Variants in AOX1 observed in about 807,000 individuals in gnomAD.
AOX1 encodes the protein aldehyde oxidase.
Under a neutral mutation model 169.5 loss-of-function variants are expected in AOX1, and 153 were observed. The ratio of observed to expected loss-of-function variants is 0.90; its 90% CI spans 0.79 to 1.03. The LOEUF (loss-of-function observed/expected upper bound fraction) is 1.03, where lower values mean the gene tolerates loss of function less well. Ranked by LOEUF, AOX1 falls within the 50% of genes least tolerant of loss-of-function variation. AOX1 has a pLI of 0.00. For missense variants in AOX1, 1,656 were observed against 1,663.9 expected (o/e 1.00, Z 0.08); for synonymous variants, 562 against 581.9 (o/e 0.97, Z 0.49).
In AOX1 at chr2:200,613,870, C is replaced by T. The variant is rs757794724; in HGVS notation, c.1515C>T (p.Gly505=). ...TTCTGAATGAAGTCTCCCTTTTGGGCTCGGCGCCAGGTGGGAAAGTGGAGT... is the reference window on the plus strand; with the variant it reads ...TTCTGAATGAAGTCTCCCTTTTGGGTTCGGCGCCAGGTGGGAAAGTGGAGT... ...RLILNEVSLL[G]SAPGGKVEFK... is the part of the protein sequence containing the mutation. Residue 505 remains glycine (G), a synonymous_variant, in exon 15 of 35, where the codon GGC becomes GGT. Coordinates refer to ENST00000374700, the MANE Select transcript of AOX1 (RefSeq NM_001159.4). 1.2e-5 allele frequency: 20 copies of T among 1,612,630 alleles called. No homozygotes were observed. In the East Asian group the frequency reaches 3.8e-4, roughly 31 times the overall value.
At chr2:200,595,413 T>C (rs2034263269) in intron 3 of AOX1, 45 bp downstream of exon 3, 5 of 1,459,138 alleles carry the variant, frequency 3.4e-6, no homozygotes, top group Non-Finnish European at 3.8e-6. Flanking sequence ...TTTATAATTT[T>C]GAACTTTGTT....
intron 22 of AOX1, among the ~76,000 whole-genome samples, chr2:200,637,584 C>T (rs980254835): frequency 6.6e-6 from 1 of 151,898 alleles, no homozygotes; most frequent in African/African-American, 2.4e-5. Flanking sequence ...TATACATACA[C>T]ATATATACAT....
intron 25 of AOX1, among the ~76,000 whole-genome samples, chr2:200,648,247 G>A (rs1392369705): frequency 2.0e-5 from 3 of 152,156 alleles, no homozygotes; most frequent in African/African-American, 7.2e-5. Flanking sequence ...TGGGGCTGAA[G>A]GCTGTTGTTC....
intron 13 of AOX1, 34 bp from the exon 14 acceptor site, chr2:200,612,575 G>C: frequency 6.2e-7 from 1 of 1,605,530 alleles, no homozygotes; most frequent in South Asian, 1.1e-5. Context: ...GATGCTCAGT[G>C]TTTCTACATG....
chr2:200,657,716 G>A (rs1293270263), intron 27 of AOX1, among the ~76,000 whole-genome samples: 1 of 151,872 alleles, frequency 6.6e-6, no homozygotes, highest in Non-Finnish European at 1.5e-5. Context: ...GTTTGCTTTT[G>A]GCTGTCTTAT....
intron 25 of AOX1, among the ~76,000 whole-genome samples, chr2:200,648,684 A>T (rs2035517098): frequency 6.6e-6 from 1 of 151,926 alleles, no homozygotes; most frequent in Non-Finnish European, 1.5e-5. Context: ...CCACTACCAG[A>T]GTGAATAGGG....
intron 3 of AOX1, among the ~76,000 whole-genome samples, chr2:200,596,428 TC>T (rs1246224308): frequency 6.6e-6 from 1 of 152,160 alleles, no homozygotes; most frequent in Non-Finnish European, 1.5e-5. Context: ...CTCCTGTCTC[TC>T]CCCCAGCCTT....
intron 16 of AOX1, among the ~76,000 whole-genome samples, chr2:200,616,348 C>G (rs1357913019): frequency 6.6e-6 from 1 of 152,250 alleles, no homozygotes; most frequent in African/African-American, 2.4e-5. Flanking sequence ...AGATGGCCAC[C>G]TTGTCACGTG....
downstream of AOX1, among the ~76,000 whole-genome samples, chr2:200,675,734 T>A (rs1226759738): frequency 6.6e-6 from 1 of 152,136 alleles, no homozygotes; most frequent in East Asian, 1.9e-4. Flanking sequence ...AGTTAACATT[T>A]ACTGACAGCT....
downstream of AOX1, among the ~76,000 whole-genome samples, chr2:200,681,935 T>A (rs78511664): frequency 0.058 from 8,786 of 152,104 alleles, 370 homozygotes; most frequent in Admixed American, 0.11. Context: ...GGTTTTTTTT[T>A]TTATTATTTG....
chr2:200,587,876 T>C (rs187202243), intron 1 of AOX1, among the ~76,000 whole-genome samples: 27 of 152,330 alleles, frequency 1.8e-4, no homozygotes, highest in Admixed American at 3.9e-4. Context: ...AAGGGGATCA[T>C]ACCACTTACT....
chr2:200,645,465 G>A (rs1389962000), intron 25 of AOX1, among the ~76,000 whole-genome samples: 7 of 152,094 alleles, frequency 4.6e-5, no homozygotes, highest in Non-Finnish European at 8.8e-5. Context: ...GTTGGAGTTG[G>A]TTAGCTAGTA....
intron 25 of AOX1, among the ~76,000 whole-genome samples, chr2:200,644,531 G>A (rs1369008416): frequency 1.3e-5 from 2 of 152,008 alleles, no homozygotes; most frequent in African/African-American, 2.4e-5. Flanking sequence ...TTGGCTATGC[G>A]GGCTCTTTTT....
intron 21 of AOX1, among the ~76,000 whole-genome samples, chr2:200,635,962 A>G (rs1216490596): frequency 6.6e-6 from 1 of 152,114 alleles, no homozygotes; most frequent in Non-Finnish European, 1.5e-5. Flanking sequence ...TGTTGGGTCC[A>G]TAACCTCATC....
chr2:200,679,665 C>G (rs1050832124), downstream of AOX1, among the ~76,000 whole-genome samples: 27 of 152,134 alleles, frequency 1.8e-4, no homozygotes, highest in African/African-American at 5.8e-4. Context: ...CGCCCCCCCC[C>G]GAGTCTGTCA....
chr2:200,668,734 C>T lies in AOX1; in HGVS notation c.3729C>T (p.Asp1243=). ...PDQYKIPAIC[D]MPTELHIALL... is the part of the protein sequence containing the mutation. ...AATATAAAATCCCTGCCATCTGTGACATGCCCACGGAGTTGCACATTGCTT... is the reference window on the plus strand; with the variant it reads ...AATATAAAATCCCTGCCATCTGTGATATGCCCACGGAGTTGCACATTGCTT... Residue 1243 remains aspartate, a synonymous_variant, in exon 33 of 35, where the codon GAC becomes GAT. Coordinates refer to ENST00000374700, the MANE Select transcript of AOX1 (RefSeq NM_001159.4). 3 of 1,614,228 alleles carry T rather than the reference C, an allele frequency of 1.9e-6. No individual in the cohort carries two copies. The highest frequency in any genetic ancestry group is 2.5e-6 in the Non-Finnish European group (3 of 1,180,046).
chr2:200,626,866 C>T (rs2035015792), intron 19 of AOX1, among the ~76,000 whole-genome samples: 3 of 152,346 alleles, frequency 2.0e-5, no homozygotes, highest in Admixed American at 1.3e-4. Flanking sequence ...TCACCAACCA[C>T]GATCCTATTG....
At chr2:200,602,792 C>CAT (rs2034443931) in intron 6 of AOX1, among the ~76,000 whole-genome samples, 1 of 152,028 alleles carries the variant, frequency 6.6e-6, no homozygotes, top group Non-Finnish European at 1.5e-5. Flanking sequence ...GTCCAGTCAC[C>CAT]ATATAGTCAT....
intron 23 of AOX1, 87 bp downstream of exon 23, chr2:200,638,389 G>T: frequency 8.6e-7 from 1 of 1,164,046 alleles, no homozygotes; most frequent in Middle Eastern, 2.2e-4. Flanking sequence ...CTACTCTCTA[G>T]TGGGGAGTAA....
Sources: gnomAD v4.1 joint callset for allele counts (sites outside exome capture counted in the v4.1 genomes callset) on GRCh38, gnomAD v4.1.1 for gene constraint, MANE v1.5 for transcripts, NCBI Gene and HGNC (gene_info 2026-07-23, HGNC 2026-07-21) for gene names.